DCC: variants seen among roughly 807,000 people sequenced by gnomAD.
DCC encodes DCC netrin 1 receptor, also known as netrin receptor DCC.
In DCC, 58 loss-of-function variants were observed where a neutral mutation model predicts 172.5. That is an observed-to-expected ratio of 0.34 (90% confidence interval 0.27 to 0.42). The LOEUF is 0.42. Among genes scored for constraint, DCC ranks in the 10% least tolerant of loss-of-function variants. DCC has a pLI of 1.00. For synonymous variants in DCC, 709 were observed against 644.5 expected (o/e 1.10, Z -1.52); for missense variants, 1,740 against 1,791.0 (o/e 0.97, Z 0.51).
intron 14 of DCC, among the ~76,000 whole-genome samples, chr18:53,323,496 A>C (rs1362410136): frequency 1.3e-5 from 2 of 152,240 alleles, no homozygotes; most frequent in African/African-American, 4.8e-5. Context: ...ATAACTAAGA[A>C]ACACTTGGTT....
intron 5 of DCC, among the ~76,000 whole-genome samples, chr18:52,940,487 A>G (rs1473848652): frequency 6.6e-6 from 1 of 152,164 alleles, no homozygotes; most frequent in Non-Finnish European, 1.5e-5. Context: ...CCATGATTCT[A>G]TTTACGCTGA....
At chr18:53,158,896 G>A (rs1598859120) in intron 8 of DCC, among the ~76,000 whole-genome samples, 1 of 150,584 alleles carries the variant, frequency 6.6e-6, no homozygotes, top group East Asian at 2.0e-4. Context: ...AGGAGGATGA[G>A]GCAGGAGAAT....
intron 5 of DCC, among the ~76,000 whole-genome samples, chr18:52,928,963 C>A (rs559835718): frequency 2.0e-5 from 3 of 152,080 alleles, no homozygotes; most frequent in Admixed American, 2.0e-4. Context: ...GGCCTGTTCC[C>A]AAGAGAGAAT....
intron 1 of DCC, among the ~76,000 whole-genome samples, chr18:52,427,498 T>C (rs1297186458): frequency 1.3e-5 from 2 of 152,056 alleles, no homozygotes; most frequent in African/African-American, 4.8e-5. Flanking sequence ...GTTTGCACAG[T>C]GGAGGGTCTG....
chr18:52,613,998 T>C (rs1355790931), intron 1 of DCC, among the ~76,000 whole-genome samples: 2 of 152,174 alleles, frequency 1.3e-5, no homozygotes, highest in African/African-American at 4.8e-5. Context: ...GCCGGGATGT[T>C]AAGCTCAGGG....
intron 6 of DCC, 186 bp downstream of exon 6, chr18:53,063,645 T>C: frequency 1.8e-6 from 1 of 564,216 alleles, no homozygotes; most frequent in East Asian, 3.1e-5. Flanking sequence ...GAAAGAGTGA[T>C]CAAAGAATTC....
At chr18:52,686,749 T>C (rs1241030991) in intron 1 of DCC, among the ~76,000 whole-genome samples, 1 of 152,046 alleles carries the variant, frequency 6.6e-6, no homozygotes, top group Non-Finnish European at 1.5e-5. Context: ...TTACATGGGG[T>C]GGATTTAAGA....
chr18:52,701,863 C>A (rs1405395607), intron 1 of DCC, among the ~76,000 whole-genome samples: 1 of 152,184 alleles, frequency 6.6e-6, no homozygotes, highest in Non-Finnish European at 1.5e-5. Context: ...TTCTGATAAA[C>A]CCCAGTTACA....
intron 1 of DCC, among the ~76,000 whole-genome samples, chr18:52,590,624 G>A (rs1201130512): frequency 1.3e-5 from 2 of 152,106 alleles, no homozygotes; most frequent in East Asian, 3.9e-4. Context: ...GTGATTCTTG[G>A]CACATTTAAG....
chr18:52,822,365 C>A (rs1447237816), intron 2 of DCC, among the ~76,000 whole-genome samples: 1 of 152,174 alleles, frequency 6.6e-6, no homozygotes. Flanking sequence ...TTCCAAAGGT[C>A]TCCAACCAGC....
At chr18:53,454,093 AC>A (rs2045451729) in intron 23 of DCC, among the ~76,000 whole-genome samples, 1 of 152,200 alleles carries the variant, frequency 6.6e-6, no homozygotes, top group Non-Finnish European at 1.5e-5. Context: ...CACACCTGTA[AC>A]CCCAGCCTTT....
chr18:53,480,282 G>A (rs769643192), intron 25 of DCC, among the ~76,000 whole-genome samples: 3 of 152,220 alleles, frequency 2.0e-5, no homozygotes, highest in African/African-American at 4.8e-5. Flanking sequence ...TCCTGCTGTG[G>A]CAAGCACTAA....
At chr18:53,009,569 T>A (rs940128056) in intron 5 of DCC, among the ~76,000 whole-genome samples, 7 of 151,940 alleles carry the variant, frequency 4.6e-5, no homozygotes, top group African/African-American at 1.7e-4. Flanking sequence ...AGGTGACTTT[T>A]TTTTTAGGCC....
At chr18:52,953,212 G>A (rs1207307103) in intron 5 of DCC, among the ~76,000 whole-genome samples, 1 of 152,092 alleles carries the variant, frequency 6.6e-6, no homozygotes, top group Non-Finnish European at 1.5e-5. Flanking sequence ...GTGAGTTACA[G>A]AAATATTTCA....
At position 53,532,227 on chromosome 18, in the gene DCC, A is replaced by G. The variant is rs2046531751; in HGVS notation, c.*1574A>G. On this transcript the variant is annotated 3_prime_UTR_variant, in exon 29 of 29. Coordinates refer to ENST00000442544, the MANE Select transcript of DCC (RefSeq NM_005215.4). Reference sequence around the variant, plus strand: ...AGGGATAGGATCTTTACAACCTAATAGCTCCTTTTATTAGGTGGGTAATTA... The same window carrying G: ...AGGGATAGGATCTTTACAACCTAATGGCTCCTTTTATTAGGTGGGTAATTA... 6.6e-6 allele frequency: 1 copy of G among 152,214 alleles called. No individual in the cohort carries two copies. Among genetic ancestry groups the G allele is most frequent in the African/African-American group, 2.4e-5 (1 of 41,460 alleles). 9.4% of individuals were successfully genotyped at this position (152,214 alleles called of 1,614,324 possible). A position where few individuals can be genotyped will look rare whatever the true frequency, so the allele number is the denominator to read the frequency against.
At chr18:52,567,080 A>G (rs4940190) in intron 1 of DCC, among the ~76,000 whole-genome samples, 43,584 of 151,978 alleles carry the variant, frequency 0.29, 6,957 homozygotes, top group East Asian at 0.59. Flanking sequence ...TATTAAAATT[A>G]TATTGGACCC....
chr18:53,013,486 T>C (rs2041760984), intron 5 of DCC, among the ~76,000 whole-genome samples: 1 of 151,882 alleles, frequency 6.6e-6, no homozygotes, highest in South Asian at 2.1e-4. Flanking sequence ...TAACTAGGAA[T>C]TGAACAATGA....
intron 5 of DCC, among the ~76,000 whole-genome samples, chr18:52,999,019 C>T (rs1284724030): frequency 1.3e-5 from 2 of 152,010 alleles, no homozygotes; most frequent in Admixed American, 6.6e-5. Flanking sequence ...TCTGTGTTTC[C>T]AATAACTGAA....
chr18:53,222,531 T>A (rs550786025), intron 12 of DCC, among the ~76,000 whole-genome samples: 4 of 151,876 alleles, frequency 2.6e-5, no homozygotes, highest in Admixed American at 1.3e-4. Context: ...ACTACAGGCG[T>A]GTGCCACCAT....
Sources: allele counts gnomAD v4.1 joint callset (sites outside exome capture counted in the v4.1 genomes callset), GRCh38; gene constraint gnomAD v4.1.1; transcripts MANE v1.5; gene names NCBI Gene and HGNC (gene_info 2026-07-23, HGNC 2026-07-21).